Variants in RPSA2 observed in about 807,000 individuals in gnomAD.
RPSA2 encodes the protein small ribosomal subunit protein uS2B.
chr19:23,847,449 T>G, the RPSA2 span, among the ~76,000 whole-genome samples: 1 of 152,050 alleles, frequency 6.6e-6, no homozygotes, highest in Non-Finnish European at 1.5e-5. Flanking sequence ...GGGGGTGACA[T>G]CACATATCGG....
chr19:23,832,442 A>T, the RPSA2 span: 1 of 491,272 alleles, frequency 2.0e-6, no homozygotes, highest in Admixed American at 2.4e-5. Flanking sequence ...CTAACTAGAC[A>T]TAAGAGGATA....
chr19:23,798,095 A>G, the RPSA2 span, among the ~76,000 whole-genome samples: 2 of 151,844 alleles, frequency 1.3e-5, no homozygotes, highest in Non-Finnish European at 2.9e-5. Flanking sequence ...TTTATCTGGG[A>G]CCTGAGATTA....
chr19:23,761,050 G>GTA, the RPSA2 span, among the ~76,000 whole-genome samples: 1 of 21,564 alleles, frequency 4.6e-5, no homozygotes, highest in East Asian at 1.8e-3. Flanking sequence ...GGGTATATAT[G>GTA]TGTATATATA....
chr19:23,864,087 C>A, the RPSA2 span, among the ~76,000 whole-genome samples: 1 of 152,138 alleles, frequency 6.6e-6, no homozygotes, highest in Non-Finnish European at 1.5e-5. Context: ...CTCTCTCATT[C>A]CAAGGCAGAG....
At chr19:23,849,406 AGAG>A in the RPSA2 span, among the ~76,000 whole-genome samples, 1 of 152,188 alleles carries the variant, frequency 6.6e-6, no homozygotes, top group Non-Finnish European at 1.5e-5. Flanking sequence ...GGCATCAAAA[AGAG>A]GAAAAGGGTT....
At chr19:23,864,937 C>G in the RPSA2 span, among the ~76,000 whole-genome samples, 1 of 152,168 alleles carries the variant, frequency 6.6e-6, no homozygotes, top group East Asian at 1.9e-4. Flanking sequence ...TCTAGAAGCT[C>G]AGGCCCTTCT....
the RPSA2 span, among the ~76,000 whole-genome samples, chr19:23,786,863 T>C: frequency 6.6e-6 from 1 of 152,060 alleles, no homozygotes; most frequent in Admixed American, 6.6e-5. Context: ...ATAGGGGACA[T>C]TGTGACATGT....
At chr19:23,859,820 C>T in the RPSA2 span, among the ~76,000 whole-genome samples, 3 of 152,134 alleles carry the variant, frequency 2.0e-5, no homozygotes, top group Non-Finnish European at 4.4e-5. Flanking sequence ...GGAGTCCCTG[C>T]TTTGTAAATA....
At chr19:23,806,435 A>G in the RPSA2 span, among the ~76,000 whole-genome samples, 2 of 152,022 alleles carry the variant, frequency 1.3e-5, no homozygotes, top group Non-Finnish European at 2.9e-5. Context: ...TCTTAATGGC[A>G]TTACACCATT....
the RPSA2 span, among the ~76,000 whole-genome samples, chr19:23,759,693 T>C: frequency 6.6e-6 from 1 of 151,636 alleles, no homozygotes; most frequent in Non-Finnish European, 1.5e-5. Flanking sequence ...CCGGCTAATT[T>C]TTGCATTTTT....
At chr19:23,813,712 G>A in the RPSA2 span, among the ~76,000 whole-genome samples, 599 of 128,056 alleles carry the variant, frequency 4.7e-3, 2 homozygotes, top group South Asian at 0.029. Flanking sequence ...GTTTTCTACT[G>A]ACAATCAACA....
the RPSA2 span, among the ~76,000 whole-genome samples, chr19:23,767,911 C>A: frequency 1.3e-5 from 2 of 151,738 alleles, no homozygotes; most frequent in South Asian, 4.2e-4. Flanking sequence ...GGATTACAGG[C>A]GCCCACCAGC....
chr19:23,772,950 G>T, the RPSA2 span, among the ~76,000 whole-genome samples: 7 of 152,246 alleles, frequency 4.6e-5, no homozygotes, highest in South Asian at 6.2e-4. Flanking sequence ...AGTAAATTGT[G>T]ACTCTCATTT....
At chr19:23,828,152 A>G in the RPSA2 span, 1 of 667,656 alleles carries the variant, frequency 1.5e-6, no homozygotes, top group Non-Finnish European at 2.6e-6. Flanking sequence ...AATAATTATG[A>G]GTCTATAAAT....
chr19:23,855,761 A>T, the RPSA2 span, among the ~76,000 whole-genome samples: 3 of 152,094 alleles, frequency 2.0e-5, no homozygotes, highest in Admixed American at 2.0e-4. Context: ...GGTTGAATGG[A>T]TGGCAAAGTG....
At chr19:23,777,215 G>T in the RPSA2 span, among the ~76,000 whole-genome samples, 1 of 152,160 alleles carries the variant, frequency 6.6e-6, no homozygotes, top group African/African-American at 2.4e-5. Flanking sequence ...CAACCAAAAA[G>T]AAAGTTTGAT....
the RPSA2 span, chr19:23,842,627 T>G: frequency 6.5e-6 from 1 of 153,786 alleles, no homozygotes; most frequent in Non-Finnish European, 1.5e-5. Flanking sequence ...TCAGTGAAAT[T>G]TGTATAGAGA....
the RPSA2 span, among the ~76,000 whole-genome samples, chr19:23,764,815 G>A: frequency 6.6e-6 from 1 of 150,904 alleles, no homozygotes; most frequent in Non-Finnish European, 1.5e-5. Flanking sequence ...AAAAAAAAAA[G>A]TCTGCGCCTC....
the RPSA2 span, among the ~76,000 whole-genome samples, chr19:23,851,878 ATT>A: frequency 6.6e-6 from 1 of 152,182 alleles, no homozygotes; most frequent in South Asian, 2.1e-4. Flanking sequence ...AGCCAAGTGA[ATT>A]TTCCACAGTA....
Sources: gnomAD v4.1 joint callset for allele counts (sites outside exome capture counted in the v4.1 genomes callset) on GRCh38, gnomAD v4.1.1 for gene constraint, MANE v1.5 for transcripts, NCBI Gene and HGNC (gene_info 2026-07-23, HGNC 2026-07-21) for gene names.